Variants in C2orf81 observed in about 807,000 individuals in gnomAD.
The protein encoded by C2orf81 is uncharacterized protein C2orf81.
C2orf81 carries 5 observed loss-of-function variants against 7.9 expected under a neutral mutation model. That is an observed-to-expected ratio of 0.63 (90% CI 0.33 to 1.33). The LOEUF (loss-of-function observed/expected upper bound fraction) is 1.33. Ranked by LOEUF, C2orf81 falls within the 40% of genes most tolerant of loss-of-function variation. C2orf81 has a pLI of 0.05. For synonymous variants in C2orf81, 346 were observed against 367.4 expected (o/e 0.94, Z 0.66); for missense variants, 781 against 830.4 (o/e 0.94, Z 0.73).
intron 1 of C2orf81, chr2:74,417,323 G>A (rs904020243): frequency 1.5e-6 from 2 of 1,291,204 alleles, no homozygotes; most frequent in Non-Finnish European, 2.0e-6. Context: ...AGCAAAGTAG[G>A]GTTGGGGGAG....
intron 1 of C2orf81, chr2:74,418,411 G>T: frequency 1.3e-6 from 2 of 1,581,900 alleles, no homozygotes; most frequent in Non-Finnish European, 1.7e-6. Context: ...GGAGGCCAAG[G>T]GCTGGCTGGA....
intron 1 of C2orf81, chr2:74,417,559 G>A (rs1676499852): frequency 1.8e-6 from 2 of 1,103,558 alleles, no homozygotes; most frequent in Non-Finnish European, 2.4e-6. Flanking sequence ...GGGGAAGGAT[G>A]AAAGGTGTGA....
intron 1 of C2orf81, chr2:74,417,835 G>T: frequency 1.9e-6 from 1 of 514,918 alleles, no homozygotes; most frequent in Non-Finnish European, 3.6e-6. Context: ...CAGGTGCAGG[G>T]TGCGGCTAAG....
intron 1 of C2orf81, chr2:74,417,534 G>C (rs1676499110): frequency 9.0e-7 from 1 of 1,111,160 alleles, no homozygotes; most frequent in Non-Finnish European, 1.2e-6. Flanking sequence ...ACCTAGTGCA[G>C]GGACTAGGGA....
intron 1 of C2orf81, chr2:74,418,074 A>C: frequency 2.6e-6 from 1 of 381,570 alleles, no homozygotes; most frequent in Non-Finnish European, 4.7e-6. Flanking sequence ...GGGGGGTGGG[A>C]GGTGGGGGGT....
At chr2:74,419,899 G>C (rs1223372929) in intron 1 of C2orf81, among the ~76,000 whole-genome samples, 1 of 152,194 alleles carries the variant, frequency 6.6e-6, no homozygotes, top group Non-Finnish European at 1.5e-5. Flanking sequence ...AGCCTCCGGA[G>C]TAGCTGGGAT....
chr2:74,416,172 C>G lies in C2orf81; in HGVS notation c.88G>C (p.Val30Leu). The change falls in exon 2 of 3, where the codon GTG becomes CTG. Residue 30 changes from valine (V) to leucine (L), a missense_variant. Transcript: ENST00000684111. ...SKAEKVRPPTVPVPQVDIVPG... is the reference protein window; with the variant it reads ...SKAEKVRPPTLPVPQVDIVPG... The stretch of plus-strand genomic sequence containing the variant: ...ACAATATCCACCTGCGGCACTGGCA[C>G]AGTGGGCGGCCGCACTTTTTCCGCC... 1 of 1,477,396 alleles carries G rather than the reference C, an allele frequency of 6.8e-7. No homozygotes were observed. Among genetic ancestry groups the G allele is most frequent in the East Asian group, 2.9e-5 (1 of 34,400 alleles). 91.5% of individuals were successfully genotyped at this position (1,477,396 alleles called of 1,614,324 possible).
Position 74,416,193 on chromosome 2 carries a change from C to G in C2orf81, c.67G>C (p.Glu23Gln), listed in dbSNP as rs946411697. The change falls in exon 2 of 3, where the codon GAA becomes CAA. Residue 23 changes from glutamate (E) to glutamine (Q), a missense_variant. Physicochemically the swap from Glu to Gln is conservative, Grantham distance 29. Transcript: ENST00000684111. Reference protein sequence around the residue: ...RDRGVTRSKAEKVRPPTVPVP... With the variant: ...RDRGVTRSKAQKVRPPTVPVP... ...GGCACAGTGGGCGGCCGCACTTTTT[C>G]CGCCTTGGACCGGGTCACCCCGCGG... 1 of 1,438,980 alleles carries G rather than the reference C, an allele frequency of 6.9e-7. No individual in the cohort carries two copies. The highest frequency in any genetic ancestry group is 9.3e-7 in the Non-Finnish European group (1 of 1,077,820). The allele number at this position is 1,438,980 out of a possible 1,614,324, so 89.1% of individuals were successfully genotyped here. A position where few individuals can be genotyped will look rare whatever the true frequency, so the allele number is the denominator to read the frequency against.
In C2orf81 at chr2:74,415,413, G is replaced by T. The variant is rs1245277112; in HGVS notation, c.764C>A (p.Ser255Tyr). Residue 255 changes from serine (S) to tyrosine (Y), a missense_variant, in exon 3 of 3, where the codon TCC becomes TAC. Transcript: ENST00000684111. The surrounding 1 kb of genome is among the most constrained non-coding windows in gnomAD (Gnocchi z 5.5). ...GQSRGLSSAG[S>Y]LSASFQLSVE... is the part of the protein sequence containing the mutation. ...CGACAGTTGGAAGCTCGCGCTCAAG[G>T]ACCCGGCCGAGGAGAGGCCTCTAGA... is the stretch of plus-strand genomic sequence containing the variant. The T allele has an allele frequency of 3.3e-6, 5 of 1,529,888 alleles. No homozygotes were observed. In the African/African-American group the frequency reaches 5.5e-5, roughly 17 times the overall value. 94.8% of individuals were successfully genotyped at this position (1,529,888 alleles called of 1,614,324 possible).
Position 74,415,612 on chromosome 2 carries a change from C to T in C2orf81, c.565G>A (p.Gly189Arg). 6.4e-7 allele frequency: 1 copy of T among 1,551,160 alleles called. No individual in the cohort carries two copies. The highest frequency in any genetic ancestry group is 8.7e-7 in the Non-Finnish European group (1 of 1,147,006). ...CCTAAAGGGATCCGGTCCACGCCCCCAGGGTCCTGGGGAAATGCACTCGGG... is the reference window on the plus strand; with the variant it reads ...CCTAAAGGGATCCGGTCCACGCCCCTAGGGTCCTGGGGAAATGCACTCGGG... ...HCPSAFPQDP[G>R]GVDRIPLGRS... Residue 189 changes from glycine (G) to arginine (R), a missense_variant, in exon 3 of 3, where the codon GGG (glycine) becomes AGG (arginine). By Grantham distance (125) the Gly-to-Arg change is moderately radical. Coordinates refer to ENST00000684111, the MANE Select transcript of C2orf81 (RefSeq NM_001316764.3). This position sits in a 1 kb window ranked among gnomAD's most constrained non-coding sequence, Gnocchi z 5.5.
chr2:74,418,028 T>G lies in C2orf81; in HGVS notation c.19-1787A>C, dbSNP rs532395985. The G allele has an allele frequency of 1.0e-3, 452 of 434,652 alleles. 2 individuals are homozygous for G. The highest frequency in any genetic ancestry group is 1.2e-3 in the Non-Finnish European group (294 of 239,116). The allele number at this position is 434,652 out of a possible 1,614,324, so 26.9% of individuals were successfully genotyped here. On this transcript the variant is annotated intron_variant, in intron 1 of 2. Coordinates refer to ENST00000684111, the MANE Select transcript of C2orf81 (RefSeq NM_001316764.3). ...GCAGGTGGAAGATGAGGGTGGTGGC[T>G]GGAGGCGGTGGTGATGGTGGGTGTA... is the stretch of plus-strand genomic sequence containing the variant.
intron 1 of C2orf81, 166 bp from the exon 2 acceptor site, chr2:74,416,407 A>C (rs1310237905): frequency 5.3e-6 from 2 of 375,286 alleles, no homozygotes; most frequent in Non-Finnish European, 9.9e-6. Flanking sequence ...TTGACCTAAT[A>C]ATTTTCATTA....
intron 1 of C2orf81, among the ~76,000 whole-genome samples, chr2:74,419,067 G>A (rs1046476952): frequency 1.3e-4 from 19 of 151,958 alleles, no homozygotes; most frequent in African/African-American, 4.6e-4. Flanking sequence ...TGTAATTCCA[G>A]CTACTAGGGA....
At position 74,414,749 on chromosome 2, in the gene C2orf81, C is replaced by G; in HGVS notation, c.1428G>C (p.Arg476Ser). Residue 476 changes from arginine to serine, a missense_variant, in exon 3 of 3, where the codon AGG (arginine) becomes AGC (serine). Transcript: ENST00000684111. This position sits in a 1 kb window ranked among gnomAD's most constrained non-coding sequence, Gnocchi z 5.3. ...CCGGGTGTGTGGTGAGGAAGCGGAT[C>G]CTGGAGTTTGGGAGTGGCAGCTTTG... is the stretch of plus-strand genomic sequence containing the variant. ...LESKLPLPNS[R>S]IRFLTTHPVL... 2 of 1,550,732 alleles carry G rather than the reference C, an allele frequency of 1.3e-6. No individual in the cohort carries two copies. Among genetic ancestry groups the G allele is most frequent in the Non-Finnish European group, 8.7e-7 (1 of 1,146,384 alleles).
At chr2:74,417,058 G>C (rs1165588972) in intron 1 of C2orf81, among the ~76,000 whole-genome samples, 1 of 152,216 alleles carries the variant, frequency 6.6e-6, no homozygotes, top group Non-Finnish European at 1.5e-5. Context: ...AGAGTAACCT[G>C]GGGGAGGGGA....
intron 1 of C2orf81, chr2:74,418,205 C>T: frequency 6.7e-7 from 1 of 1,502,880 alleles, no homozygotes; most frequent in Non-Finnish European, 9.1e-7. Flanking sequence ...GGTTTCCTTC[C>T]CAGAGTTGTG....
chr2:74,420,080 T>C (rs773485245), intron 1 of C2orf81, among the ~76,000 whole-genome samples: 13 of 152,188 alleles, frequency 8.5e-5, no homozygotes, highest in Non-Finnish European at 1.5e-4. Flanking sequence ...GAATTTGCAA[T>C]GGCATAAAGC....
rs1461697072 is a variant in C2orf81, at chr2:74,415,084, G to C, written c.1093C>G (p.His365Asp). 1.3e-6 allele frequency: 2 copies of C among 1,547,670 alleles called. No individual in the cohort carries two copies. The highest frequency in any genetic ancestry group is 3.9e-5 in the Admixed American group (2 of 50,788). ...HSDVRLSAHH[H>D]RMRRKAAVKR... is the part of the protein sequence containing the mutation. ...ACGGCCGCCTTGCGGCGCATCCTGT[G>C]GTGGTGGGCGCTCAGCCGCACATCC... is the stretch of plus-strand genomic sequence containing the variant. Residue 365 changes from histidine (H) to aspartate (D), a missense_variant, in exon 3 of 3, where the codon CAC (histidine) becomes GAC (aspartate). Coordinates refer to ENST00000684111, the MANE Select transcript of C2orf81 (RefSeq NM_001316764.3). This position sits in a 1 kb window ranked among gnomAD's most constrained non-coding sequence, Gnocchi z 5.5.
Position 74,414,238 on chromosome 2 carries a change from T to C in C2orf81, c.*91A>G. On this transcript the variant is annotated 3_prime_UTR_variant, in exon 3 of 3. Transcript: ENST00000684111. This position sits in a 1 kb window ranked among gnomAD's most constrained non-coding sequence, Gnocchi z 5.3. Reference sequence around the variant, plus strand: ...AGCAGAGGGAGGGACCAGTTACTACTGCCAGAGGCTCAGGGATCAGAGGGA... The same window carrying C: ...AGCAGAGGGAGGGACCAGTTACTACCGCCAGAGGCTCAGGGATCAGAGGGA... 1.5e-6 allele frequency: 2 copies of C among 1,296,666 alleles called. No individual in the cohort carries two copies. The highest frequency in any genetic ancestry group is 5.4e-5 in the East Asian group (2 of 36,750). 80.3% of individuals were successfully genotyped at this position (1,296,666 alleles called of 1,614,324 possible). A position where few individuals can be genotyped will look rare whatever the true frequency, so the allele number is the denominator to read the frequency against.
Sources: gnomAD v4.1 joint callset for allele counts (sites outside exome capture counted in the v4.1 genomes callset) on GRCh38, gnomAD v4.1.1 for gene constraint, Gnocchi (gnomAD v3.1) non-coding constraint, MANE v1.5 for transcripts, NCBI Gene and HGNC (gene_info 2026-07-23, HGNC 2026-07-21) for gene names.